TIGAR: variants seen among roughly 807,000 people sequenced by gnomAD.
TIGAR encodes the protein fructose-2,6-bisphosphatase TIGAR.
In TIGAR, 7 loss-of-function variants were observed where a neutral mutation model predicts 17.9. The observed-to-expected ratio is 0.39, with a 90% CI of 0.22 to 0.73. The LOEUF is 0.73. Among genes scored for constraint, TIGAR ranks in the 30% least tolerant of loss-of-function variants. The pLI is 0.42. For synonymous variants in TIGAR, 94 were observed against 108.6 expected, an observed-to-expected ratio of 0.87 and a Z score of 0.84; for missense variants, 258 against 327.4, an observed-to-expected ratio of 0.79 and a Z score of 1.64.
At chr12:4,323,534 T>C (rs577820489) in intron 1 of TIGAR, among the ~76,000 whole-genome samples, 4 of 152,320 alleles carry the variant, frequency 2.6e-5, no homozygotes, top group South Asian at 4.1e-4. Flanking sequence ...AGGACTGATA[T>C]CCTCATTTTT....
At chr12:4,345,459 T>A (rs1456620868) in intron 3 of TIGAR, among the ~76,000 whole-genome samples, 9 of 151,964 alleles carry the variant, frequency 5.9e-5, no homozygotes, top group Non-Finnish European at 1.0e-4. Flanking sequence ...ATACCACACA[T>A]CTACAACTAT....
intron 1 of TIGAR, among the ~76,000 whole-genome samples, chr12:4,330,077 G>A (rs948641718): frequency 6.6e-6 from 1 of 152,082 alleles, no homozygotes. Context: ...GCAGAGGTTG[G>A]CATACAGCTG....
intron 1 of TIGAR, among the ~76,000 whole-genome samples, chr12:4,328,998 A>T (rs1049788238): frequency 7.2e-5 from 11 of 152,294 alleles, no homozygotes; most frequent in African/African-American, 2.6e-4. Flanking sequence ...AGGTGGCCAC[A>T]TTTATTAGTT....
rs1449172592 is a variant in TIGAR at position 4,352,411 on chromosome 12, C to T, written c.533C>T (p.Ser178Phe). 5 of 1,614,130 alleles carry T rather than the reference C, an allele frequency of 3.1e-6. 1 individual carries two copies. In the South Asian group the frequency reaches 5.5e-5, roughly 18 times the overall value. ...EIFPLGKNHSSKVNSDSGIPG... is the reference protein window; with the variant it reads ...EIFPLGKNHSFKVNSDSGIPG... Reference sequence around the variant, plus strand: ...TTTCCTTTAGGAAAAAATCACAGCTCTAAAGTTAATTCAGACAGCGGTATT... The same window carrying T: ...TTTCCTTTAGGAAAAAATCACAGCTTTAAAGTTAATTCAGACAGCGGTATT... Residue 178 changes from serine to phenylalanine, a missense_variant, in exon 6 of 6, where the codon TCT (serine) becomes TTT (phenylalanine). By Grantham distance (155) the Ser-to-Phe change is radical. Transcript: ENST00000179259.
Position 4,336,853 on chromosome 12 carries a change from T to C in TIGAR, c.71-186T>C, listed in dbSNP as rs561451137. Among the ~76,000 whole-genome samples the C allele has an allele frequency of 2.6e-4, 40 of 152,338 alleles. No homozygotes were observed. In the East Asian group the frequency reaches 6.9e-3, roughly 26 times the overall value. On this transcript the variant is annotated intron_variant, in intron 2 of 5. Coordinates refer to ENST00000179259, the MANE Select transcript of TIGAR (RefSeq NM_020375.3). ...TTCTTTTGGAAAATAATTGAATACCTGAGCCTTTAAAGACTTAAAACTTAT... is the reference window on the plus strand; with the variant it reads ...TTCTTTTGGAAAATAATTGAATACCCGAGCCTTTAAAGACTTAAAACTTAT...
chr12:4,325,656 C>G (rs943356956), intron 1 of TIGAR, among the ~76,000 whole-genome samples: 3 of 150,694 alleles, frequency 2.0e-5, no homozygotes, highest in Non-Finnish European at 4.4e-5. Flanking sequence ...GCAGGAGAAT[C>G]TCTTGAACCC....
Position 4,358,281 on chromosome 12 carries a change from C to T in TIGAR, c.*5590C>T, listed in dbSNP as rs1379569808. Reference sequence around the variant, plus strand: ...ACTAAAAATACAAAAATTAGCTGGGCGTCTCCAAAAAAAAAAAAAAAGAAA... The same window carrying T: ...ACTAAAAATACAAAAATTAGCTGGGTGTCTCCAAAAAAAAAAAAAAAGAAA... On this transcript the variant is annotated 3_prime_UTR_variant, in exon 6 of 6. Transcript: ENST00000179259. Among the ~76,000 whole-genome samples, 10 of 139,048 alleles carry T rather than the reference C, an allele frequency of 7.2e-5. No homozygotes were observed. The highest frequency in any genetic ancestry group is 1.2e-4 in the African/African-American group (4 of 34,656). 91.2% of individuals were successfully genotyped at this position (139,048 alleles called of 152,430 possible). A position where few individuals can be genotyped will look rare whatever the true frequency, so the allele number is the denominator to read the frequency against.
At chr12:4,336,990 C>G in intron 2 of TIGAR, 49 bp from the exon 3 acceptor site, 1 of 1,513,726 alleles carries the variant, frequency 6.6e-7, no homozygotes, top group Non-Finnish European at 9.0e-7. Flanking sequence ...TTATACATCT[C>G]TGATATGTAG....
rs1864921256 is a variant in TIGAR, at chr12:4,357,783, T to C, written c.*5092T>C. Among the ~76,000 whole-genome samples, 1 of 152,188 alleles carries C rather than the reference T, an allele frequency of 6.6e-6. No homozygotes were observed. The stretch of plus-strand genomic sequence containing the variant: ...AAGGCCTGGATTCAGGTTCAAGGCC[T>C]GGTTCTTAGTAATTTTGTGACCAAG... On this transcript the variant is annotated 3_prime_UTR_variant, in exon 6 of 6. Coordinates refer to ENST00000179259, the MANE Select transcript of TIGAR (RefSeq NM_020375.3).
At chr12:4,333,486 T>G (rs983036927) in intron 2 of TIGAR, among the ~76,000 whole-genome samples, 8 of 152,040 alleles carry the variant, frequency 5.3e-5, no homozygotes, top group Admixed American at 2.6e-4. Context: ...TTTATTTATT[T>G]TGAGACGGAG....
At chr12:4,351,451 A>C (rs1457891494) in intron 5 of TIGAR, 74 bp downstream of exon 5, 1 of 1,180,854 alleles carries the variant, frequency 8.5e-7, no homozygotes, top group Admixed American at 2.1e-5. Context: ...TTAGCTAAGC[A>C]GTTTGAAAGT....
At chr12:4,349,478 C>T (rs557687017) in intron 3 of TIGAR, among the ~76,000 whole-genome samples, 62 of 151,292 alleles carry the variant, frequency 4.1e-4, no homozygotes, top group African/African-American at 1.2e-3. Context: ...AGTGCAGTGG[C>T]GCAATCTCAG....
intron 4 of TIGAR, among the ~76,000 whole-genome samples, chr12:4,350,794 A>T (rs112198397): frequency 2.0e-5 from 3 of 151,896 alleles, no homozygotes; most frequent in Non-Finnish European, 4.4e-5. Context: ...AAAAAAAGAA[A>T]AAAAAAGAAA....
chr12:4,348,689 A>G (rs1391137832), intron 3 of TIGAR, among the ~76,000 whole-genome samples: 1 of 152,240 alleles, frequency 6.6e-6, no homozygotes, highest in Non-Finnish European at 1.5e-5. Flanking sequence ...GGAAAATACA[A>G]GGAAATATTG....
At chr12:4,333,825 C>T (rs1864630215) in intron 2 of TIGAR, among the ~76,000 whole-genome samples, 1 of 152,126 alleles carries the variant, frequency 6.6e-6, no homozygotes, top group African/African-American at 2.4e-5. Flanking sequence ...GTCTCAAACT[C>T]CTGACCTCAG....
Position 4,352,714 on chromosome 12 carries a change from A to G in TIGAR, c.*23A>G, listed in dbSNP as rs1382642471. 6.3e-7 allele frequency: 1 copy of G among 1,582,564 alleles called. No homozygotes were observed. The highest frequency in any genetic ancestry group is 8.6e-7 in the Non-Finnish European group (1 of 1,169,294). ...TAAGGTTAAATCTGCATCAAAATCT[A>G]ACCATTTTGAGCCTCTGAAGGGAGT... On this transcript the variant is annotated 3_prime_UTR_variant, in exon 6 of 6. Transcript: ENST00000179259.
At chr12:4,335,870 T>C (rs764950568) in intron 2 of TIGAR, among the ~76,000 whole-genome samples, 4 of 152,276 alleles carry the variant, frequency 2.6e-5, no homozygotes, top group Non-Finnish European at 5.9e-5. Flanking sequence ...TCTCTGTTTA[T>C]CCATTGAGGG....
At chr12:4,336,245 C>T (rs1207238826) in intron 2 of TIGAR, among the ~76,000 whole-genome samples, 2 of 152,252 alleles carry the variant, frequency 1.3e-5, no homozygotes, top group East Asian at 1.9e-4. Flanking sequence ...CAGGAGCCCT[C>T]GCTCCCAAGA....
chr12:4,329,629 G>A (rs1029865469), intron 1 of TIGAR, among the ~76,000 whole-genome samples: 2 of 152,116 alleles, frequency 1.3e-5, no homozygotes, highest in African/African-American at 2.4e-5. Context: ...GAGCCACCAC[G>A]TCTGGCCACA....
Sources: gnomAD v4.1 joint callset for allele counts (sites outside exome capture counted in the v4.1 genomes callset) on GRCh38, gnomAD v4.1.1 for gene constraint, MANE v1.5 for transcripts, NCBI Gene and HGNC (gene_info 2026-07-23, HGNC 2026-07-21) for gene names.